TENM4: variants seen among roughly 807,000 people sequenced by gnomAD.
TENM4 encodes teneurin transmembrane protein 4, also known as teneurin-4.
A neutral mutation model predicts 243.3 loss-of-function variants in TENM4; 82 were observed. That is an observed-to-expected ratio of 0.34 (90% CI 0.28 to 0.40). The LOEUF (loss-of-function observed/expected upper bound fraction) is 0.40. Among genes scored for constraint, TENM4 ranks in the 10% least tolerant of loss-of-function variants. The probability of loss-of-function intolerance (pLI) is 1.00; values close to 1 mark genes in which losing one functional copy is unlikely to be tolerated. For synonymous variants in TENM4, 1,412 were observed against 1,456.3 expected (o/e 0.97, Z 0.69); for missense variants, 3,138 against 3,673.3 (o/e 0.85, Z 3.77).
intron 6 of TENM4, among the ~76,000 whole-genome samples, chr11:78,906,131 T>G (rs887422400): frequency 6.6e-6 from 1 of 152,248 alleles, no homozygotes; most frequent in Non-Finnish European, 1.5e-5. Context: ...CATGGCATTT[T>G]ACTTAATTGA....
chr11:79,043,971 C>T (rs565732522), intron 6 of TENM4, among the ~76,000 whole-genome samples: 4 of 152,190 alleles, frequency 2.6e-5, no homozygotes, highest in East Asian at 1.9e-4. Context: ...CATATTTTGC[C>T]GGTTTTGCAC....
At chr11:78,887,468 G>T (rs1279702750) in intron 9 of TENM4, among the ~76,000 whole-genome samples, 1 of 152,192 alleles carries the variant, frequency 6.6e-6, no homozygotes. Flanking sequence ...TACCTCAAGG[G>T]TAGTGACTAT....
At chr11:79,352,666 C>T (rs1590902588) in intron 1 of TENM4, among the ~76,000 whole-genome samples, 1 of 152,328 alleles carries the variant, frequency 6.6e-6, no homozygotes, top group Non-Finnish European at 1.5e-5. Context: ...CTGCCCCTTG[C>T]TCTCTTTGCC....
chr11:78,672,193 C>T lies in TENM4; in HGVS notation c.5633G>A (p.Ser1878Asn). ...AGRPSLWSPS[S>N]RLNGVNVTYS... Reference sequence around the variant, plus strand: ...TGTCACGTTGACACCATTCAGCCTGCTGCTGGGTGACCAGAGGCTGGGCCG... The same window carrying T: ...TGTCACGTTGACACCATTCAGCCTGTTGCTGGGTGACCAGAGGCTGGGCCG... Residue 1878 changes from serine (S) to asparagine (N), a missense_variant, in exon 31 of 34, where the codon AGC becomes AAC. This residue lies in a region of TENM4 where 2,467 missense variants were observed against 3,059.1 expected (regional missense o/e 0.81). Transcript: ENST00000278550. The T allele has an allele frequency of 6.2e-7, 1 of 1,613,968 alleles. No homozygotes were observed. The highest frequency in any genetic ancestry group is 8.5e-7 in the Non-Finnish European group (1 of 1,179,858).
At chr11:79,302,811 C>G (rs1406188990) in intron 1 of TENM4, among the ~76,000 whole-genome samples, 1 of 152,064 alleles carries the variant, frequency 6.6e-6, no homozygotes, top group South Asian at 2.1e-4. Flanking sequence ...GTAGAGCCAC[C>G]ATTTCCTTGA....
intron 3 of TENM4, among the ~76,000 whole-genome samples, chr11:79,183,278 C>T (rs1863319259): frequency 6.6e-6 from 1 of 152,082 alleles, no homozygotes; most frequent in Non-Finnish European, 1.5e-5. Context: ...AACTTAAATG[C>T]TCATTAAGTG....
At chr11:78,981,108 C>A (rs1857782511) in intron 6 of TENM4, among the ~76,000 whole-genome samples, 1 of 152,070 alleles carries the variant, frequency 6.6e-6, no homozygotes, top group South Asian at 2.1e-4. Flanking sequence ...AAGTATCTGG[C>A]CTATTTTTAA....
At chr11:78,980,109 G>C (rs928300516) in intron 6 of TENM4, among the ~76,000 whole-genome samples, 6 of 152,198 alleles carry the variant, frequency 3.9e-5, no homozygotes, top group African/African-American at 1.4e-4. Context: ...CTGCCCTCAA[G>C]CTTTCTGGCT....
At chr11:79,114,120 C>T (rs1432765073) in intron 4 of TENM4, among the ~76,000 whole-genome samples, 1 of 152,170 alleles carries the variant, frequency 6.6e-6, no homozygotes, top group African/African-American at 2.4e-5. Context: ...CAACCCTGTA[C>T]CACCAATTCA....
intron 12 of TENM4, among the ~76,000 whole-genome samples, chr11:78,815,828 G>C (rs1857594151): frequency 6.6e-6 from 1 of 152,248 alleles, no homozygotes; most frequent in African/African-American, 2.4e-5. Flanking sequence ...GAGAAATGAA[G>C]TGACCTGTGG....
At chr11:79,075,758 G>A (rs894169224) in intron 4 of TENM4, among the ~76,000 whole-genome samples, 3 of 152,198 alleles carry the variant, frequency 2.0e-5, no homozygotes, top group African/African-American at 4.8e-5. Flanking sequence ...TAAGACCCTG[G>A]CAGGGACTCG....
intron 2 of TENM4, among the ~76,000 whole-genome samples, chr11:79,291,268 G>T (rs2135381891): frequency 6.6e-6 from 1 of 152,340 alleles, no homozygotes; most frequent in African/African-American, 2.4e-5. Context: ...GTGGCTTGAA[G>T]GTTGATCACT....
intron 4 of TENM4, among the ~76,000 whole-genome samples, chr11:79,135,545 G>T (rs1862090423): frequency 6.6e-6 from 1 of 151,824 alleles, no homozygotes; most frequent in Non-Finnish European, 1.5e-5. Context: ...AAAGATACTT[G>T]CACATGCATG....
At position 78,805,282 on chromosome 11, in the gene TENM4, C is replaced by CCCCCCCCCACCCCCCCCCCCCCTCT; in HGVS notation, c.2179+9_2179+10insAGAGGGGGGGGGGGGGTGGGGGGGG. Reference sequence around the variant, plus strand: ...CCCTCTACCCATGCTTCTTCTCCCCCTGCATTTACCGATAGAACAGTCGTG... The same window carrying CCCCCCCCCACCCCCCCCCCCCCTCT: ...CCCTCTACCCATGCTTCTTCTCCCCCCCCCCCCCACCCCCCCCCCCCCTCTTGCATTTACCGATAGAACAGTCGTG... On this transcript the variant is annotated intron_variant, in intron 15 of 33. Coordinates refer to ENST00000278550, the MANE Select transcript of TENM4 (RefSeq NM_001098816.3). The CCCCCCCCCACCCCCCCCCCCCCTCT allele has an allele frequency of 1.0e-6, 1 of 995,564 alleles. No homozygotes were observed. The highest frequency in any genetic ancestry group is 1.2e-6 in the Non-Finnish European group (1 of 823,790). 61.7% of individuals were successfully genotyped at this position (995,564 alleles called of 1,614,324 possible). A position where few individuals can be genotyped will look rare whatever the true frequency, so the allele number is the denominator to read the frequency against.
At chr11:79,162,676 T>C (rs1169167688) in intron 3 of TENM4, among the ~76,000 whole-genome samples, 2 of 152,006 alleles carry the variant, frequency 1.3e-5, no homozygotes, top group Admixed American at 1.3e-4. Flanking sequence ...AGCCTTCGAG[T>C]CCTCCTCCAC....
chr11:78,718,712 C>T (rs1859577580), intron 25 of TENM4, among the ~76,000 whole-genome samples: 1 of 152,188 alleles, frequency 6.6e-6, no homozygotes, highest in South Asian at 2.1e-4. Context: ...TCAGTATCAT[C>T]CATACAAATC....
intron 4 of TENM4, among the ~76,000 whole-genome samples, chr11:79,078,212 A>C (rs1860580753): frequency 6.6e-6 from 1 of 152,194 alleles, no homozygotes; most frequent in Admixed American, 6.5e-5. Context: ...AAATTGACTG[A>C]ATTCCTACTG....
At chr11:78,725,748 C>T (rs765820994) in intron 23 of TENM4, among the ~76,000 whole-genome samples, 12 of 152,198 alleles carry the variant, frequency 7.9e-5, no homozygotes, top group African/African-American at 2.4e-4. Context: ...TGAACCAAGA[C>T]GCTGGGTGAG....
At chr11:78,743,233 G>C (rs1855972610) in intron 19 of TENM4, among the ~76,000 whole-genome samples, 1 of 151,976 alleles carries the variant, frequency 6.6e-6, no homozygotes, top group African/African-American at 2.4e-5. Flanking sequence ...TGCTCCTTCT[G>C]GGCTACTCCT....
Sources: allele counts gnomAD v4.1 joint callset (sites outside exome capture counted in the v4.1 genomes callset), GRCh38; gene constraint gnomAD v4.1.1; regional missense constraint gnomAD v4.1.1; transcripts MANE v1.5; gene names NCBI Gene and HGNC (gene_info 2026-07-23, HGNC 2026-07-21).